The following ZNF184 variants were observed in gnomAD, a reference collection of about 807,000 sequenced individuals.
The protein encoded by ZNF184 is zinc finger protein 184, also known as zinc finger protein 184 (Kruppel-like).
ZNF184 carries 16 observed loss-of-function variants against 54.4 expected under a neutral mutation model. The ratio of observed to expected loss-of-function variants is 0.29; its 90% CI spans 0.20 to 0.45. The LOEUF (loss-of-function observed/expected upper bound fraction) is 0.45. Among genes scored for constraint, ZNF184 ranks in the 20% least tolerant of loss-of-function variants. The pLI is 1.00. For missense variants in ZNF184, 681 were observed against 888.2 expected, an observed-to-expected ratio of 0.77 and a Z score of 2.97; for synonymous variants, 254 against 295.3, an observed-to-expected ratio of 0.86 and a Z score of 1.43.
At chr6:27,447,071 T>TA (rs1561832693), downstream of ZNF184, among the ~76,000 whole-genome samples, 644 of 132,156 alleles carry the variant, frequency 4.9e-3, 11 homozygotes, top group African/African-American at 0.018. Flanking sequence ...GCCACTGCAA[T>TA]CAAAAAAAAA....
the ZNF184 span, chr6:27,406,998 G>A: frequency 6.6e-6 from 1 of 152,596 alleles, no homozygotes; most frequent in African/African-American, 2.4e-5. Context: ...TGCCTCCCAT[G>A]TTTCCACTGA....
chr6:27,472,607 G>C lies in ZNF184; in HGVS notation c.-140+122C>G. ...GATCGGGTACGCGGGTTCTGCTTCA[G>C]ATCCAAAAAACCCTTGGTGCCCACC... On this transcript the variant is annotated intron_variant, in intron 1 of 5. Transcript: ENST00000683788. This position sits in a 1 kb window ranked among gnomAD's most constrained non-coding sequence, Gnocchi z 4.8. 2.7e-6 allele frequency: 1 copy of C among 365,226 alleles called. No homozygotes were observed. Among genetic ancestry groups the C allele is most frequent in the East Asian group, 5.6e-5 (1 of 17,976 alleles). The allele number at this position is 365,226 out of a possible 1,614,324, so 22.6% of individuals were successfully genotyped here.
rs755982517 is a variant in ZNF184 at position 27,453,287 on chromosome 6, T to C, written c.299-27A>G. ...TAAAAGAAAAAGAAAATTCCAGTGTTCTCTGAATAGAGAAAAAATAAACTG... is the reference window on the plus strand; with the variant it reads ...TAAAAGAAAAAGAAAATTCCAGTGTCCTCTGAATAGAGAAAAAATAAACTG... On this transcript the variant is annotated intron_variant, in intron 5 of 5. Coordinates refer to ENST00000683788, the MANE Select transcript of ZNF184 (RefSeq NM_001318891.2). This position sits in a 1 kb window ranked among gnomAD's most constrained non-coding sequence, Gnocchi z 4.7. 2.8e-5 allele frequency: 43 copies of C among 1,537,944 alleles called. No homozygotes were observed. In the South Asian group the frequency reaches 5.6e-4, roughly 20 times the overall value.
the ZNF184 span, among the ~76,000 whole-genome samples, chr6:27,424,904 G>A: frequency 6.6e-6 from 1 of 152,182 alleles, no homozygotes; most frequent in African/African-American, 2.4e-5. Flanking sequence ...AGGCTCGGGC[G>A]GCACAGGAGC....
At position 27,457,300 on chromosome 6, in the gene ZNF184, G is replaced by A; in HGVS notation, c.185C>T (p.Thr62Ile). The change falls in exon 4 of 6, where the codon ACA becomes ATA. Residue 62 changes from threonine to isoleucine, a missense_variant. By Grantham distance (89) the Thr-to-Ile change is moderately conservative. Transcript: ENST00000683788. ...LFRDVTLENYTHLVSIGLQVS... is the reference protein window; with the variant it reads ...LFRDVTLENYIHLVSIGLQVS... ...ATCCTTACCTATAGAGACCAGGTGTGTATAATTTTCCAATGTCACATCCCT... is the reference window on the plus strand; with the variant it reads ...ATCCTTACCTATAGAGACCAGGTGTATATAATTTTCCAATGTCACATCCCT... The A allele has an allele frequency of 6.2e-7, 1 of 1,613,992 alleles. No individual in the cohort carries two copies. Among genetic ancestry groups the A allele is most frequent in the Non-Finnish European group, 8.5e-7 (1 of 1,179,944 alleles).
Position 27,451,519 on chromosome 6 carries a change from G to A in ZNF184, c.2040C>T (p.Ser680=). The part of the protein sequence containing the change: ...YKCNECDKAF[S]RSTHLTEHQN... The stretch of plus-strand genomic sequence containing the variant: ...GATGTTCAGTCAGATGAGTGCTCCG[G>A]CTAAAGGCTTTGTCACATTCATTGC... The change falls in exon 6 of 6, where the codon AGC becomes AGT. Residue 680 remains serine (S), a synonymous_variant. Transcript: ENST00000683788. 6.2e-7 allele frequency: 1 copy of A among 1,614,026 alleles called. No homozygotes were observed. The highest frequency in any genetic ancestry group is 8.5e-7 in the Non-Finnish European group (1 of 1,179,990).
At chr6:27,454,766 A>G (rs990649856) in intron 5 of ZNF184, among the ~76,000 whole-genome samples, 8 of 152,254 alleles carry the variant, frequency 5.3e-5, no homozygotes, top group African/African-American at 1.7e-4. Flanking sequence ...GAAAGTTCCC[A>G]AAGACCAGAT....
the ZNF184 span, among the ~76,000 whole-genome samples, chr6:27,430,852 C>T: frequency 2.0e-5 from 3 of 152,220 alleles, no homozygotes; most frequent in South Asian, 2.1e-4. Context: ...TAAAAGTTCG[C>T]GTCCCACTGA....
the ZNF184 span, among the ~76,000 whole-genome samples, chr6:27,436,815 G>C: frequency 6.6e-6 from 1 of 152,184 alleles, no homozygotes; most frequent in Non-Finnish European, 1.5e-5. Context: ...ATCGTGACCA[G>C]CTCAGTACAT....
chr6:27,423,750 G>GT, the ZNF184 span, among the ~76,000 whole-genome samples: 12 of 152,138 alleles, frequency 7.9e-5, no homozygotes, highest in Non-Finnish European at 1.5e-4. Flanking sequence ...AAGATTATGT[G>GT]TATTAGGTTT....
chr6:27,423,125 G>T, the ZNF184 span, among the ~76,000 whole-genome samples: 1 of 152,190 alleles, frequency 6.6e-6, no homozygotes, highest in Non-Finnish European at 1.5e-5. Flanking sequence ...CTCAGTCTGC[G>T]AACTACAATT....
chr6:27,422,344 C>A, the ZNF184 span, among the ~76,000 whole-genome samples: 1 of 152,052 alleles, frequency 6.6e-6, no homozygotes, highest in Non-Finnish European at 1.5e-5. Flanking sequence ...CAGCCTGAAG[C>A]AACAGAGATG....
the ZNF184 span, among the ~76,000 whole-genome samples, chr6:27,442,802 GAGAAAGAAAGAGAAAGAAAGAAAGAA>G: frequency 2.2e-5 from 2 of 90,978 alleles, no homozygotes; most frequent in African/African-American, 8.7e-5. Flanking sequence ...AAGAAAGAAA[GAGAAAGAAAGAGAAAGAAAGAAAGAA>G]AGAAAGAAAG....
chr6:27,465,484 CAAAAAAAAA>C (rs60538455), intron 3 of ZNF184, among the ~76,000 whole-genome samples: 3 of 35,166 alleles, frequency 8.5e-5, no homozygotes, highest in Non-Finnish European at 1.5e-4. Flanking sequence ...GACTCCATCT[CAAAAAAAAA>C]AAAAAAAAAA....
At chr6:27,415,995 T>C in the ZNF184 span, among the ~76,000 whole-genome samples, 1 of 152,152 alleles carries the variant, frequency 6.6e-6, no homozygotes, top group Non-Finnish European at 1.5e-5. Flanking sequence ...TAGTTTCTGG[T>C]AGTGTCAGTC....
the ZNF184 span, among the ~76,000 whole-genome samples, chr6:27,435,782 T>C: frequency 1.3e-5 from 2 of 152,190 alleles, no homozygotes; most frequent in African/African-American, 4.8e-5. Context: ...AATAATGCTG[T>C]AGACCCAGTA....
chr6:27,425,879 G>A, the ZNF184 span, among the ~76,000 whole-genome samples: 1 of 152,156 alleles, frequency 6.6e-6, no homozygotes, highest in East Asian at 1.9e-4. Flanking sequence ...CTGTCTCCCA[G>A]ATCTCACTCT....
rs1176241987 is a variant in ZNF184 at position 27,451,931 on chromosome 6, G to A, written c.1628C>T (p.Ser543Leu). 1 of 1,612,820 alleles carries A rather than the reference G, an allele frequency of 6.2e-7. No individual in the cohort carries two copies. The highest frequency in any genetic ancestry group is 8.5e-7 in the Non-Finnish European group (1 of 1,179,976). Residue 543 changes from serine to leucine, a missense_variant, in exon 6 of 6, where the codon TCA becomes TTA. Ser to Leu is a moderately radical substitution (Grantham distance 145, BLOSUM62 -2). Coordinates refer to ENST00000683788, the MANE Select transcript of ZNF184 (RefSeq NM_001318891.2). ...AATTCTTTCATGCTTAGCAAGAGAT[G>A]AACTCCGAATAAAAGCTTTCCCACA... ...KECGKAFIRS[S>L]SLAKHERIHT...
At chr6:27,445,984 G>T (rs1304044218), downstream of ZNF184, among the ~76,000 whole-genome samples, 3 of 152,284 alleles carry the variant, frequency 2.0e-5, no homozygotes, top group African/African-American at 7.2e-5. Context: ...CATACAATGA[G>T]ATGTGAGAGG....
Sources: gnomAD v4.1 joint callset for allele counts (sites outside exome capture counted in the v4.1 genomes callset) on GRCh38, gnomAD v4.1.1 for gene constraint, Gnocchi (gnomAD v3.1) non-coding constraint, MANE v1.5 for transcripts, NCBI Gene and HGNC (gene_info 2026-07-23, HGNC 2026-07-21) for gene names.